The following CACNA1D variants were observed in gnomAD, a reference collection of about 807,000 sequenced individuals.
CACNA1D encodes the protein calcium voltage-gated channel subunit alpha1 D, also known as voltage-dependent L-type calcium channel subunit alpha-1D.
In CACNA1D, 55 loss-of-function variants were observed where a neutral mutation model predicts 257.1. That is an observed-to-expected ratio of 0.21 (90% CI 0.17 to 0.27). CACNA1D has a LOEUF of 0.27. Ranked by LOEUF, CACNA1D falls within the 10% of genes least tolerant of loss-of-function variation. CACNA1D has a pLI of 1.00. For missense variants in CACNA1D, 1,876 were observed against 2,784.0 expected (o/e 0.67, Z 7.34); for synonymous variants, 980 against 1,014.9 (o/e 0.97, Z 0.65).
chr3:53,547,953 C>A (rs1298865843), intron 3 of CACNA1D, among the ~76,000 whole-genome samples: 1 of 152,168 alleles, frequency 6.6e-6, no homozygotes, highest in East Asian at 1.9e-4. Context: ...GCCTTTCCAG[C>A]GTGAGCAATG....
chr3:53,496,112 C>T (rs902908364), intron 1 of CACNA1D, among the ~76,000 whole-genome samples: 3 of 152,248 alleles, frequency 2.0e-5, no homozygotes, highest in Admixed American at 6.5e-5. Flanking sequence ...CAGACCCGTG[C>T]TTGCTTTGAC....
intron 3 of CACNA1D, among the ~76,000 whole-genome samples, chr3:53,637,211 G>A (rs2093894590): frequency 6.6e-6 from 1 of 152,224 alleles, no homozygotes; most frequent in Non-Finnish European, 1.5e-5. Context: ...GCTTCTGGGT[G>A]CTTGCCCTGC....
At chr3:53,572,382 A>ATTTATTTG (rs1559859610) in intron 3 of CACNA1D, among the ~76,000 whole-genome samples, 1 of 107,738 alleles carries the variant, frequency 9.3e-6, no homozygotes, top group East Asian at 3.0e-4. Flanking sequence ...TTGTTTATTT[A>ATTTATTTG]TTTATTTATT....
At chr3:53,576,100 T>C (rs2093032817) in intron 3 of CACNA1D, among the ~76,000 whole-genome samples, 1 of 152,188 alleles carries the variant, frequency 6.6e-6, no homozygotes, top group Admixed American at 6.5e-5. Flanking sequence ...CTTTGCCTTA[T>C]CGGCTGTCCT....
At position 53,673,936 on chromosome 3, in the gene CACNA1D, G is replaced by T; in HGVS notation, c.1220+810G>T. 1.3e-6 allele frequency: 1 copy of T among 749,026 alleles called. No individual in the cohort carries two copies. Among genetic ancestry groups the T allele is most frequent in the Admixed American group, 1.9e-5 (1 of 53,500 alleles). 46.4% of individuals were successfully genotyped at this position (749,026 alleles called of 1,614,324 possible). ...GTGTTTGGACTCTGATGTCCTCTCA[G>T]TGTGTTGCTTTTGGATTGAACTGTG... On this transcript the variant is annotated intron_variant, in intron 8 of 47. Transcript: ENST00000350061. The surrounding 1 kb of genome is among the most constrained non-coding windows in gnomAD (Gnocchi z 4.1).
chr3:53,753,058 G>A lies in CACNA1D; in HGVS notation c.3676-514G>A, dbSNP rs543495647. ...TCAAACCAGCTCTCAGTGCTGTCTGGACAGTAGGTCTAAAGATAGGGATAA... is the reference window on the plus strand; with the variant it reads ...TCAAACCAGCTCTCAGTGCTGTCTGAACAGTAGGTCTAAAGATAGGGATAA... On this transcript the variant is annotated intron_variant, in intron 28 of 47. Transcript: ENST00000350061. 5.9e-5 allele frequency among the ~76,000 whole-genome samples: 9 copies of A among 152,320 alleles called. No individual in the cohort carries two copies. The East Asian group carries it at 1.7e-3, about 29-fold the overall frequency.
intron 3 of CACNA1D, among the ~76,000 whole-genome samples, chr3:53,580,577 T>A (rs1364748929): frequency 6.6e-6 from 1 of 152,184 alleles, no homozygotes; most frequent in Non-Finnish European, 1.5e-5. Context: ...ATCTGTAGAG[T>A]GGGAATTGTG....
intron 3 of CACNA1D, among the ~76,000 whole-genome samples, chr3:53,647,163 A>G (rs1163079360): frequency 1.3e-5 from 2 of 152,016 alleles, no homozygotes; most frequent in Admixed American, 6.6e-5. Flanking sequence ...TATACAGGGT[A>G]GTTTCTGGAC....
chr3:53,791,264 A>C (rs1020624358), intron 40 of CACNA1D: 1 of 527,980 alleles, frequency 1.9e-6, no homozygotes, highest in Non-Finnish European at 3.4e-6. Flanking sequence ...TTTTTCGTGA[A>C]AGGGAACGTA....
intron 3 of CACNA1D, among the ~76,000 whole-genome samples, chr3:53,585,995 C>A (rs1380132187): frequency 1.3e-5 from 2 of 152,146 alleles, no homozygotes; most frequent in Non-Finnish European, 2.9e-5. Flanking sequence ...CTTTCCAGAT[C>A]TTCTGCTCTC....
At chr3:53,731,478 C>T (rs971839637) in intron 17 of CACNA1D, among the ~76,000 whole-genome samples, 5 of 152,172 alleles carry the variant, frequency 3.3e-5, no homozygotes, top group African/African-American at 1.2e-4. Flanking sequence ...GTATGAAAAT[C>T]GCGGATTTTT....
chr3:53,516,165 A>G (rs1225084978), intron 3 of CACNA1D, among the ~76,000 whole-genome samples: 1 of 152,218 alleles, frequency 6.6e-6, no homozygotes, highest in Admixed American at 6.5e-5. Flanking sequence ...CATTTACCAG[A>G]AGGCATTAGT....
At chr3:53,738,335 C>T (rs2095079424) in intron 20 of CACNA1D, among the ~76,000 whole-genome samples, 1 of 152,192 alleles carries the variant, frequency 6.6e-6, no homozygotes, top group African/African-American at 2.4e-5. Context: ...GTGCTTTCCC[C>T]ATGGTGCGTG....
At chr3:53,548,371 T>G (rs866473272) in intron 3 of CACNA1D, among the ~76,000 whole-genome samples, 1 of 138,112 alleles carries the variant, frequency 7.2e-6, no homozygotes, top group Non-Finnish European at 1.6e-5. Flanking sequence ...TTTTTTTTTT[T>G]AAAAATTATC....
chr3:53,792,732 A>C (rs2095490038), intron 40 of CACNA1D, among the ~76,000 whole-genome samples: 1 of 152,176 alleles, frequency 6.6e-6, no homozygotes. Context: ...TGACAGGGTC[A>C]GTCCCAGCCT....
intron 20 of CACNA1D, among the ~76,000 whole-genome samples, chr3:53,740,018 G>T (rs77975035): frequency 4.1e-4 from 62 of 152,340 alleles, no homozygotes; most frequent in Non-Finnish European, 7.5e-4. Context: ...TTAGAAATGA[G>T]CCTCTCTGCC....
chr3:53,726,211 G>A (rs2094933081), intron 14 of CACNA1D, among the ~76,000 whole-genome samples: 1 of 152,216 alleles, frequency 6.6e-6, no homozygotes, highest in South Asian at 2.1e-4. Flanking sequence ...TGAAAACTCA[G>A]AGAAGACACC....
At chr3:53,636,893 T>A (rs533509460) in intron 3 of CACNA1D, among the ~76,000 whole-genome samples, 2 of 152,376 alleles carry the variant, frequency 1.3e-5, no homozygotes, top group African/African-American at 4.8e-5. Context: ...AGAAACAGTT[T>A]CATTCAACGG....
At position 53,769,378 on chromosome 3, in the gene CACNA1D, G is replaced by C. The variant is rs191814268; in HGVS notation, c.3871-595G>C. Among the ~76,000 whole-genome samples the C allele has an allele frequency of 4.6e-3, 707 of 152,354 alleles. 2 individuals carry two copies. Among genetic ancestry groups the C allele is most frequent in the Non-Finnish European group, 7.4e-3 (502 of 68,026 alleles). On this transcript the variant is annotated intron_variant, in intron 30 of 47. Transcript: ENST00000350061. ...AGCTGTCTGAGCTGTGGGGCAGGCA[G>C]CGAGGGTTTCTGTAGGGAAGCCTGC...
Sources: allele counts gnomAD v4.1 joint callset (sites outside exome capture counted in the v4.1 genomes callset), GRCh38; gene constraint gnomAD v4.1.1; non-coding constraint Gnocchi (gnomAD v3.1); transcripts MANE v1.5; gene names NCBI Gene and HGNC (gene_info 2026-07-23, HGNC 2026-07-21).